The following GRM8 variants were observed in gnomAD, a reference collection of about 807,000 sequenced individuals.
GRM8 encodes the protein metabotropic glutamate receptor 8.
GRM8 carries 47 observed loss-of-function variants against 87.2 expected under a neutral mutation model. The ratio of observed to expected loss-of-function variants is 0.54; its 90% confidence interval spans 0.43 to 0.69. The LOEUF (loss-of-function observed/expected upper bound fraction) is 0.69. Ranked by LOEUF, GRM8 falls within the 30% of genes least tolerant of loss-of-function variation. GRM8 has a pLI of 0.00. For missense variants in GRM8, 1,019 were observed against 1,139.2 expected (o/e 0.89, Z 1.52); for synonymous variants, 396 against 404.5 (o/e 0.98, Z 0.25).
intron 8 of GRM8, among the ~76,000 whole-genome samples, chr7:126,540,108 G>T (rs1160740128): frequency 6.6e-6 from 1 of 151,976 alleles, no homozygotes; most frequent in Non-Finnish European, 1.5e-5. Context: ...AAATTCAACA[G>T]TTAAAAGACC....
At chr7:126,753,870 T>TGTA in intron 7 of GRM8, among the ~76,000 whole-genome samples, 1 of 151,924 alleles carries the variant, frequency 6.6e-6, no homozygotes, top group Non-Finnish European at 1.5e-5. Flanking sequence ...ACATTTTAAG[T>TGTA]GATCTGAATC....
chr7:127,099,707 G>A (rs142506816), intron 3 of GRM8, among the ~76,000 whole-genome samples: 116 of 152,232 alleles, frequency 7.6e-4, no homozygotes, highest in Admixed American at 1.4e-3. Flanking sequence ...TTACTAACCT[G>A]TTGTCCTCCT....
At chr7:126,760,597 T>C (rs1407020724) in intron 7 of GRM8, among the ~76,000 whole-genome samples, 2 of 152,176 alleles carry the variant, frequency 1.3e-5, no homozygotes, top group Non-Finnish European at 2.9e-5. Flanking sequence ...ACCTATTCAT[T>C]TCTAAAAATA....
At chr7:127,114,535 C>T (rs1047788529) in intron 2 of GRM8, among the ~76,000 whole-genome samples, 1 of 152,120 alleles carries the variant, frequency 6.6e-6, no homozygotes, top group South Asian at 2.1e-4. Context: ...ACACCCCTCA[C>T]CAGAATCTTC....
rs181937932 is a variant in GRM8, at chr7:126,515,598, C to T, written c.2430+17354G>A. Among the ~76,000 whole-genome samples, 168 of 152,140 alleles carry T rather than the reference C, an allele frequency of 1.1e-3. 1 individual carries two copies. The highest frequency in any genetic ancestry group is 3.8e-3 in the African/African-American group (157 of 41,538). ...TAAAATCAAATTAGCAGCAAGATTG[C>T]ATTGCTTTTGGAGGCCTTAGAGCGG... On this transcript the variant is annotated intron_variant, in intron 9 of 10. Coordinates refer to ENST00000339582, the MANE Select transcript of GRM8 (RefSeq NM_000845.3).
chr7:127,158,728 AT>A (rs1387234400), intron 2 of GRM8, among the ~76,000 whole-genome samples: 1 of 151,892 alleles, frequency 6.6e-6, no homozygotes, highest in Non-Finnish European at 1.5e-5. Context: ...TCTTAATACT[AT>A]TTCATCAGGT....
chr7:126,711,705 A>G (rs1302495950), intron 7 of GRM8, among the ~76,000 whole-genome samples: 2 of 152,226 alleles, frequency 1.3e-5, no homozygotes, highest in Non-Finnish European at 2.9e-5. Context: ...GGCCACCTTC[A>G]TCAATGATCT....
intron 3 of GRM8, among the ~76,000 whole-genome samples, chr7:127,024,420 TAACAATGACAAC>T (rs1423700838): frequency 1.3e-5 from 2 of 152,032 alleles, no homozygotes; most frequent in Non-Finnish European, 2.9e-5. Flanking sequence ...TATTCATCAT[TAACAATGACAAC>T]AACAATTGAG....
At chr7:127,228,196 C>A (rs1467887247) in intron 2 of GRM8, among the ~76,000 whole-genome samples, 1 of 152,150 alleles carries the variant, frequency 6.6e-6, no homozygotes, top group Admixed American at 6.6e-5. Context: ...ATATCACATG[C>A]CCACTTACTT....
intron 9 of GRM8, among the ~76,000 whole-genome samples, chr7:126,499,839 T>C (rs1170760359): frequency 6.6e-6 from 1 of 151,838 alleles, no homozygotes; most frequent in Non-Finnish European, 1.5e-5. Context: ...GTCAATTAGA[T>C]TGGAGACATA....
chr7:126,714,109 T>TA (rs1264976222), intron 7 of GRM8, among the ~76,000 whole-genome samples: 2,883 of 142,074 alleles, frequency 0.02, 90 homozygotes, highest in African/African-American at 0.069. Flanking sequence ...TCATCTTTAC[T>TA]AAAAAAAAAA....
At chr7:127,142,818 G>T (rs147595323) in intron 2 of GRM8, among the ~76,000 whole-genome samples, 38 of 152,098 alleles carry the variant, frequency 2.5e-4, no homozygotes, top group African/African-American at 8.0e-4. Context: ...TAGACACTTG[G>T]ATACATTAGC....
chr7:126,840,742 C>T (rs10228002), intron 6 of GRM8, among the ~76,000 whole-genome samples: 3,051 of 152,144 alleles, frequency 0.02, 110 homozygotes, highest in African/African-American at 0.07. Flanking sequence ...AAAGGGAATA[C>T]TTACTTTCGA....
chr7:127,090,652 A>C (rs1170759213), intron 3 of GRM8, among the ~76,000 whole-genome samples: 4 of 152,048 alleles, frequency 2.6e-5, no homozygotes, highest in African/African-American at 9.7e-5. Flanking sequence ...CTGTTTCCCA[A>C]CTGAAACCTG....
intron 8 of GRM8, among the ~76,000 whole-genome samples, chr7:126,575,268 T>G (rs116548641): frequency 6.6e-6 from 1 of 151,056 alleles, no homozygotes; most frequent in African/African-American, 2.4e-5. Context: ...GGATGCATAC[T>G]TGTTATGAGA....
At chr7:126,459,685 C>A (rs1803672156) in intron 9 of GRM8, among the ~76,000 whole-genome samples, 1 of 151,398 alleles carries the variant, frequency 6.6e-6, no homozygotes, top group Admixed American at 6.6e-5. Context: ...GGTGGCAATG[C>A]AGAGGCTCCA....
intron 3 of GRM8, among the ~76,000 whole-genome samples, chr7:127,052,167 C>T (rs375281650): frequency 3.3e-5 from 5 of 152,122 alleles, no homozygotes; most frequent in Non-Finnish European, 7.4e-5. Flanking sequence ...TTTGTGTTAG[C>T]TCTTTGGTGT....
intron 3 of GRM8, among the ~76,000 whole-genome samples, chr7:127,026,818 TGCTGTGCAGAA>T (rs1311237303): frequency 2.0e-5 from 3 of 152,314 alleles, no homozygotes; most frequent in East Asian, 3.9e-4. Flanking sequence ...TAGTTGCTTC[TGCTGTGCAGAA>T]GCTCTTTAAT....
chr7:126,454,755 A>G (rs572479245), intron 9 of GRM8, among the ~76,000 whole-genome samples: 1 of 151,720 alleles, frequency 6.6e-6, no homozygotes, highest in South Asian at 2.1e-4. Context: ...AGACACACAG[A>G]AGGAAAATCA....
Sources: gnomAD v4.1 joint callset for allele counts (sites outside exome capture counted in the v4.1 genomes callset) on GRCh38, gnomAD v4.1.1 for gene constraint, MANE v1.5 for transcripts, NCBI Gene and HGNC (gene_info 2026-07-23, HGNC 2026-07-21) for gene names.